PTPRD: variants seen among roughly 807,000 people sequenced by gnomAD.
PTPRD encodes receptor-type tyrosine-protein phosphatase delta.
A neutral mutation model predicts 214.5 loss-of-function variants in PTPRD; 34 were observed. The observed-to-expected ratio is 0.16, with a 90% CI of 0.12 to 0.21. The LOEUF (loss-of-function observed/expected upper bound fraction) is 0.21, where lower values mean the gene tolerates loss of function less well. PTPRD is among the 10% of genes least tolerant of loss of function. The pLI, the probability that PTPRD is intolerant of heterozygous loss-of-function variation, is 1.00. For synonymous variants in PTPRD, 1,128 were observed against 845.7 expected, an observed-to-expected ratio of 1.33 and a Z score of -5.79; for missense variants, 2,545 against 2,398.7, an observed-to-expected ratio of 1.06 and a Z score of -1.27.
intron 2 of PTPRD, among the ~76,000 whole-genome samples, chr9:10,353,357 C>T (rs892572173): frequency 6.6e-6 from 1 of 151,878 alleles, no homozygotes; most frequent in African/African-American, 2.4e-5. Flanking sequence ...TTTCCTTTTC[C>T]TGGCATTTGA....
chr9:8,768,962 G>T (rs924677602), intron 11 of PTPRD, among the ~76,000 whole-genome samples: 3 of 152,166 alleles, frequency 2.0e-5, no homozygotes, highest in African/African-American at 4.8e-5. Context: ...AATAAAAACA[G>T]ATTTCCCGTG....
chr9:9,495,970 G>A (rs144372721), intron 8 of PTPRD, among the ~76,000 whole-genome samples: 3 of 152,240 alleles, frequency 2.0e-5, no homozygotes, highest in South Asian at 4.1e-4. Context: ...CTCAGGCCCC[G>A]CATGAAGCTT....
At chr9:9,102,473 G>C (rs1206411200) in intron 10 of PTPRD, among the ~76,000 whole-genome samples, 1 of 152,118 alleles carries the variant, frequency 6.6e-6, no homozygotes, top group Non-Finnish European at 1.5e-5. Flanking sequence ...GGGGTAGAGA[G>C]AGGTGGCCTT....
At chr9:10,371,135 A>AT (rs1228131470) in intron 2 of PTPRD, among the ~76,000 whole-genome samples, 6 of 151,782 alleles carry the variant, frequency 4.0e-5, no homozygotes, top group African/African-American at 1.4e-4. Context: ...ATATATCTCC[A>AT]TTTTTCTAAA....
intron 8 of PTPRD, among the ~76,000 whole-genome samples, chr9:9,542,025 C>A (rs953128798): frequency 1.3e-5 from 2 of 151,422 alleles, no homozygotes; most frequent in African/African-American, 2.4e-5. Flanking sequence ...AGAAAAGAGA[C>A]AACACAGTAG....
intron 5 of PTPRD, among the ~76,000 whole-genome samples, chr9:9,935,934 A>G (rs995981757): frequency 5.3e-5 from 8 of 151,246 alleles, no homozygotes; most frequent in African/African-American, 1.9e-4. Context: ...CATATCTACA[A>G]CTATCTGATC....
At chr9:9,986,914 T>C (rs951975010) in intron 4 of PTPRD, among the ~76,000 whole-genome samples, 4 of 144,060 alleles carry the variant, frequency 2.8e-5, no homozygotes, top group Non-Finnish European at 4.6e-5. Flanking sequence ...TTACTGTAAT[T>C]AAAAGATACT....
At chr9:9,970,078 G>A (rs547944921) in intron 4 of PTPRD, among the ~76,000 whole-genome samples, 48 of 152,244 alleles carry the variant, frequency 3.2e-4, no homozygotes, top group South Asian at 2.5e-3. Context: ...GAGACCGTTT[G>A]TATTTATAAG....
chr9:10,563,598 A>C (rs368760463), intron 2 of PTPRD, among the ~76,000 whole-genome samples: 1 of 152,140 alleles, frequency 6.6e-6, no homozygotes, highest in African/African-American at 2.4e-5. Flanking sequence ...TAGAAATTCA[A>C]TTTCAAAAAT....
chr9:8,712,527 A>G (rs1347079349), intron 12 of PTPRD, among the ~76,000 whole-genome samples: 1 of 151,960 alleles, frequency 6.6e-6, no homozygotes, highest in African/African-American at 2.4e-5. Flanking sequence ...GTGGACAGAT[A>G]CTGCCTCCAG....
intron 2 of PTPRD, among the ~76,000 whole-genome samples, chr9:10,562,962 TA>T (rs1329796819): frequency 6.6e-6 from 1 of 152,140 alleles, no homozygotes; most frequent in Non-Finnish European, 1.5e-5. Context: ...AGTTAATATA[TA>T]AGATTCACAT....
intron 7 of PTPRD, among the ~76,000 whole-genome samples, chr9:9,677,200 G>T (rs1005789978): frequency 1.3e-4 from 20 of 152,088 alleles, no homozygotes; most frequent in African/African-American, 4.8e-4. Context: ...TGAAGTCCTT[G>T]CCCATGCCTA....
At position 10,038,150 on chromosome 9, in the gene PTPRD, C is replaced by A. The variant is rs143017408; in HGVS notation, c.-544-4360G>T. ...TTATCTCCTGATTTCCATGATGCTA[C>A]TTTTCTCTTGTTTTCTTCCTGTAAC... On this transcript the variant is annotated intron_variant, in intron 3 of 45. Transcript: ENST00000381196. Among the ~76,000 whole-genome samples the A allele has an allele frequency of 4.2e-3, 636 of 152,222 alleles. 3 individuals carry two copies. The highest frequency in any genetic ancestry group is 0.014 in the Middle Eastern group (4 of 294).
intron 3 of PTPRD, among the ~76,000 whole-genome samples, chr9:10,052,436 C>T (rs765901907): frequency 1.3e-5 from 2 of 152,076 alleles, no homozygotes; most frequent in African/African-American, 2.4e-5. Flanking sequence ...ATCTGTTCAA[C>T]TGTAACTTGA....
intron 3 of PTPRD, among the ~76,000 whole-genome samples, chr9:10,093,587 A>C (rs923281565): frequency 1.1e-4 from 16 of 151,570 alleles, no homozygotes; most frequent in African/African-American, 3.6e-4. Context: ...TAATCCCATT[A>C]CTGGGTATAT....
chr9:9,156,356 T>C (rs543018198), intron 10 of PTPRD, among the ~76,000 whole-genome samples: 92 of 135,232 alleles, frequency 6.8e-4, no homozygotes, highest in African/African-American at 2.6e-3. Flanking sequence ...TTTATATGTA[T>C]GTTAATGTTT....
intron 11 of PTPRD, among the ~76,000 whole-genome samples, chr9:8,748,432 G>A (rs7862046): frequency 6.7e-6 from 1 of 148,808 alleles, no homozygotes; most frequent in Non-Finnish European, 1.5e-5. Context: ...CCAGGCATTC[G>A]AGCCGGCAAC....
At chr9:9,859,214 C>T (rs10122309) in intron 5 of PTPRD, among the ~76,000 whole-genome samples, 16,046 of 152,188 alleles carry the variant, frequency 0.11, 2,220 homozygotes, top group East Asian at 0.71. Context: ...TGATGCTTCC[C>T]CAGCCATGTA....
chr9:8,811,720 G>A (rs566902799), intron 11 of PTPRD, among the ~76,000 whole-genome samples: 2 of 152,062 alleles, frequency 1.3e-5, no homozygotes, highest in East Asian at 3.9e-4. Context: ...AAAAAGTCTA[G>A]AAAAGTATCT....
Sources: gnomAD v4.1 joint callset for allele counts (sites outside exome capture counted in the v4.1 genomes callset) on GRCh38, gnomAD v4.1.1 for gene constraint, MANE v1.5 for transcripts, NCBI Gene and HGNC (gene_info 2026-07-23, HGNC 2026-07-21) for gene names.